Variants in SLC16A10 observed in about 807,000 individuals in gnomAD.
SLC16A10 encodes solute carrier family 16 member 10.
A neutral mutation model predicts 40.0 loss-of-function variants in SLC16A10; 27 were observed. The ratio of observed to expected loss-of-function variants is 0.67; its 90% CI spans 0.50 to 0.93. The LOEUF (loss-of-function observed/expected upper bound fraction) is 0.93, where lower values mean the gene tolerates loss of function less well. SLC16A10 is among the 40% of genes least tolerant of loss of function. The pLI is 0.00. For missense variants in SLC16A10, 529 were observed against 658.2 expected (o/e 0.80, Z 2.15); for synonymous variants, 213 against 249.8 (o/e 0.85, Z 1.39).
At chr6:111,190,785 A>T (rs1357290913) in intron 3 of SLC16A10, among the ~76,000 whole-genome samples, 1 of 152,180 alleles carries the variant, frequency 6.6e-6, no homozygotes, top group Non-Finnish European at 1.5e-5. Flanking sequence ...TGCACACAGC[A>T]GGGGGGCCAC....
chr6:111,187,988 G>T (rs1772927567), intron 3 of SLC16A10, among the ~76,000 whole-genome samples: 1 of 152,156 alleles, frequency 6.6e-6, no homozygotes, highest in South Asian at 2.1e-4. Flanking sequence ...ATCTTTGTTG[G>T]TTGGTTGTGT....
At chr6:111,095,795 C>T (rs543828313) in intron 1 of SLC16A10, among the ~76,000 whole-genome samples, 1 of 152,204 alleles carries the variant, frequency 6.6e-6, no homozygotes, top group Non-Finnish European at 1.5e-5. Flanking sequence ...TGCCTTTGCT[C>T]CTCTTTCACC....
chr6:111,185,182 C>T (rs1772872741), intron 3 of SLC16A10, among the ~76,000 whole-genome samples: 1 of 152,196 alleles, frequency 6.6e-6, no homozygotes, highest in African/African-American at 2.4e-5. Context: ...AACAATTCTG[C>T]AAAGCTGTGC....
chr6:111,218,363 G>C (rs1770816646), intron 4 of SLC16A10, among the ~76,000 whole-genome samples: 1 of 152,120 alleles, frequency 6.6e-6, no homozygotes, highest in South Asian at 2.1e-4. Context: ...TGGATCACTT[G>C]AGGTCAGGAG....
intron 3 of SLC16A10, among the ~76,000 whole-genome samples, chr6:111,180,925 A>G (rs763043572): frequency 6.6e-6 from 1 of 152,182 alleles, no homozygotes; most frequent in Non-Finnish European, 1.5e-5. Context: ...TTAAAAGTGA[A>G]GGTTCTGGGC....
intron 3 of SLC16A10, among the ~76,000 whole-genome samples, chr6:111,203,669 C>G (rs1773207883): frequency 6.6e-6 from 1 of 151,358 alleles, no homozygotes; most frequent in Admixed American, 6.6e-5. Context: ...TTGCAGTGAG[C>G]TGAGATCACA....
chr6:111,221,695 A>G (rs1770896634), intron 5 of SLC16A10, among the ~76,000 whole-genome samples: 1 of 151,498 alleles, frequency 6.6e-6, no homozygotes, highest in Non-Finnish European at 1.5e-5. Context: ...TGCATGAGCC[A>G]TGATTATGCT....
intron 1 of SLC16A10, among the ~76,000 whole-genome samples, chr6:111,150,808 A>G (rs1445979573): frequency 6.6e-6 from 1 of 152,220 alleles, no homozygotes; most frequent in Non-Finnish European, 1.5e-5. Flanking sequence ...GATAGCAGCC[A>G]GGGAATTAAG....
At chr6:111,142,037 A>G (rs944848229) in intron 1 of SLC16A10, among the ~76,000 whole-genome samples, 3 of 130,780 alleles carry the variant, frequency 2.3e-5, no homozygotes, top group Non-Finnish European at 3.4e-5. Flanking sequence ...TTCTTCTTCA[A>G]TATCATTTTC....
intron 1 of SLC16A10, among the ~76,000 whole-genome samples, chr6:111,144,074 T>G (rs1772031757): frequency 6.6e-6 from 1 of 152,110 alleles, no homozygotes. Flanking sequence ...AGGCAATGCA[T>G]GTGTTGGGGC....
chr6:111,108,251 C>G (rs537022632), intron 1 of SLC16A10, among the ~76,000 whole-genome samples: 1 of 152,206 alleles, frequency 6.6e-6, no homozygotes, highest in Admixed American at 6.5e-5. Flanking sequence ...AATTCCTGAC[C>G]TCAGGTGATT....
intron 1 of SLC16A10, among the ~76,000 whole-genome samples, chr6:111,165,866 C>T (rs1772462889): frequency 6.6e-6 from 1 of 152,214 alleles, no homozygotes; most frequent in Non-Finnish European, 1.5e-5. Context: ...ACCTGGGCTT[C>T]CATTGTAAAA....
In SLC16A10 at chr6:111,222,064, C is replaced by T; in HGVS notation, c.1377C>T (p.Pro459=). 1.2e-6 allele frequency: 2 copies of T among 1,611,162 alleles called. No individual in the cohort carries two copies. Among genetic ancestry groups the T allele is most frequent in the East Asian group, 2.2e-5 (1 of 44,788 alleles). Residue 459 remains proline, a synonymous_variant, in exon 6 of 6, where the codon CCC becomes CCT. Coordinates refer to ENST00000368851, the MANE Select transcript of SLC16A10 (RefSeq NM_018593.5). ...DVAFYLAGVP[P]LIGGAVLCFI... is the part of the protein sequence containing the mutation. ...CATTCTACCTCGCTGGAGTCCCTCCCCTTATTGGAGGTGCTGTGCTTTGTT... is the reference window on the plus strand; with the variant it reads ...CATTCTACCTCGCTGGAGTCCCTCCTCTTATTGGAGGTGCTGTGCTTTGTT...
rs148577368 is a variant in SLC16A10 at position 111,172,965 on chromosome 6, T to C, written c.488+126T>C. ...TCATTTTTTAAAACTTTAAGCAATATGACTTATAAAACAAACTGTTATCCA... is the reference window on the plus strand; with the variant it reads ...TCATTTTTTAAAACTTTAAGCAATACGACTTATAAAACAAACTGTTATCCA... On this transcript the variant is annotated intron_variant, in intron 2 of 5. Coordinates refer to ENST00000368851, the MANE Select transcript of SLC16A10 (RefSeq NM_018593.5). 2,922 of 1,239,776 alleles carry C rather than the reference T, an allele frequency of 2.4e-3. 47 individuals carry two copies. Among genetic ancestry groups the C allele is most frequent in the Non-Finnish European group, 5.8e-4 (523 of 894,774 alleles). 76.8% of individuals were successfully genotyped at this position (1,239,776 alleles called of 1,614,324 possible). A position where few individuals can be genotyped will look rare whatever the true frequency, so the allele number is the denominator to read the frequency against.
chr6:111,165,359 AAG>A (rs1207564846), intron 1 of SLC16A10, among the ~76,000 whole-genome samples: 11 of 152,172 alleles, frequency 7.2e-5, no homozygotes, highest in African/African-American at 2.7e-4. Context: ...TGCGTGCATT[AAG>A]AGAGGCAAGA....
intron 1 of SLC16A10, among the ~76,000 whole-genome samples, chr6:111,100,491 C>T (rs1434192264): frequency 2.0e-5 from 3 of 151,794 alleles, no homozygotes; most frequent in Non-Finnish European, 2.9e-5. Context: ...CGTGTACAAG[C>T]GATTCTCCTG....
chr6:111,193,254 T>G, intron 3 of SLC16A10: 1 of 985,014 alleles, frequency 1.0e-6, no homozygotes, highest in Non-Finnish European at 1.2e-6. Flanking sequence ...TTTCTTGTTT[T>G]TTTCTAGCTT....
chr6:111,208,803 G>A (rs937719203), intron 4 of SLC16A10, among the ~76,000 whole-genome samples: 2 of 152,210 alleles, frequency 1.3e-5, no homozygotes, highest in Admixed American at 6.5e-5. Flanking sequence ...GTGTTTCTTT[G>A]TGGGGTAATG....
chr6:111,102,896 A>G (rs561005665), intron 1 of SLC16A10, among the ~76,000 whole-genome samples: 1 of 152,004 alleles, frequency 6.6e-6, no homozygotes, highest in Admixed American at 6.6e-5. Flanking sequence ...TTTTGTTTGC[A>G]TGTATTTATT....
Sources: allele counts gnomAD v4.1 joint callset (sites outside exome capture counted in the v4.1 genomes callset), GRCh38; gene constraint gnomAD v4.1.1; transcripts MANE v1.5; gene names NCBI Gene and HGNC (gene_info 2026-07-23, HGNC 2026-07-21).